Variants in MAGI1 observed in about 807,000 individuals in gnomAD.
The protein encoded by MAGI1 is membrane-associated guanylate kinase, WW and PDZ domain-containing protein 1.
Under a neutral mutation model 139.9 loss-of-function variants are expected in MAGI1, and 58 were observed. That is an observed-to-expected ratio of 0.41 (90% confidence interval 0.34 to 0.52). The LOEUF (loss-of-function observed/expected upper bound fraction) is 0.52. MAGI1 is among the 20% of genes least tolerant of loss of function. The pLI is 0.12. For synonymous variants in MAGI1, 812 were observed against 737.9 expected, an observed-to-expected ratio of 1.10 and a Z score of -1.63; for missense variants, 1,874 against 1,901.6, an observed-to-expected ratio of 0.99 and a Z score of 0.27.
At chr3:65,400,310 G>C (rs1040582377) in intron 13 of MAGI1, among the ~76,000 whole-genome samples, 1 of 152,162 alleles carries the variant, frequency 6.6e-6, no homozygotes, top group African/African-American at 2.4e-5. Context: ...TCTCTTTGGA[G>C]AACTTAGGAG....
At chr3:65,991,283 C>G (rs1332933645) in intron 1 of MAGI1, among the ~76,000 whole-genome samples, 1 of 51,010 alleles carries the variant, frequency 2.0e-5, no homozygotes. Flanking sequence ...GCGAGAGACT[C>G]TGTCTAAAAA....
At chr3:65,703,662 G>A (rs1174730438) in intron 1 of MAGI1, among the ~76,000 whole-genome samples, 2 of 152,282 alleles carry the variant, frequency 1.3e-5, no homozygotes, top group East Asian at 1.9e-4. Context: ...AAAGTGGCAG[G>A]CTAATTTATA....
At chr3:65,569,588 T>C (rs1183836246) in intron 2 of MAGI1, among the ~76,000 whole-genome samples, 1 of 152,156 alleles carries the variant, frequency 6.6e-6, no homozygotes, top group African/African-American at 2.4e-5. Context: ...GATTTAAATG[T>C]TTAAGACGGC....
At chr3:65,681,031 A>C (rs2087557753) in intron 1 of MAGI1, among the ~76,000 whole-genome samples, 1 of 152,220 alleles carries the variant, frequency 6.6e-6, no homozygotes, top group South Asian at 2.1e-4. Context: ...CCACAGATCC[A>C]GACCTATTTA....
At chr3:66,032,184 T>C (rs1011946546) in intron 1 of MAGI1, among the ~76,000 whole-genome samples, 1 of 150,964 alleles carries the variant, frequency 6.6e-6, no homozygotes, top group Non-Finnish European at 1.5e-5. Flanking sequence ...CATTCAGGCA[T>C]CCAACCAATT....
chr3:65,971,684 C>T (rs1173241018), intron 1 of MAGI1, among the ~76,000 whole-genome samples: 2 of 152,208 alleles, frequency 1.3e-5, no homozygotes, highest in African/African-American at 4.8e-5. Flanking sequence ...GAAGCAGACT[C>T]GGGCACATCA....
intron 1 of MAGI1, chr3:65,688,350 G>A: frequency 6.1e-6 from 4 of 651,184 alleles, no homozygotes; most frequent in South Asian, 1.4e-5. Flanking sequence ...TGGAGTGATA[G>A]TAACACCTTC....
intron 1 of MAGI1, among the ~76,000 whole-genome samples, chr3:65,702,659 C>G (rs1269908521): frequency 6.6e-6 from 1 of 152,096 alleles, no homozygotes; most frequent in Admixed American, 6.5e-5. Flanking sequence ...CTCTGAGAGG[C>G]CTTCCTTAGC....
intron 1 of MAGI1, among the ~76,000 whole-genome samples, chr3:65,858,877 T>C (rs114109192): frequency 0.011 from 1,697 of 152,338 alleles, 6 homozygotes; most frequent in Non-Finnish European, 0.018. Context: ...TTTCAGTTAA[T>C]TCCTCTTCCT....
chr3:65,763,863 G>C (rs1247567844), intron 1 of MAGI1, among the ~76,000 whole-genome samples: 1 of 151,976 alleles, frequency 6.6e-6, no homozygotes, highest in South Asian at 2.1e-4. Flanking sequence ...TTGAGCACAG[G>C]AGTTCAAGAC....
intron 12 of MAGI1, among the ~76,000 whole-genome samples, chr3:65,422,628 T>C (rs957029629): frequency 3.3e-5 from 5 of 152,144 alleles, no homozygotes; most frequent in East Asian, 1.9e-4. Context: ...AAGTAGTGAT[T>C]GCAACCAAGT....
chr3:65,794,087 C>G (rs1227744742), intron 1 of MAGI1, among the ~76,000 whole-genome samples: 1 of 152,166 alleles, frequency 6.6e-6, no homozygotes, highest in Non-Finnish European at 1.5e-5. Context: ...TGGACCACAC[C>G]CTAAGGCTAG....
chr3:65,412,952 T>C (rs1290578845), intron 12 of MAGI1, among the ~76,000 whole-genome samples: 1 of 152,198 alleles, frequency 6.6e-6, no homozygotes, highest in Non-Finnish European at 1.5e-5. Context: ...TCTCAAGGAT[T>C]CTTTGAGATC....
At chr3:65,651,001 A>G (rs1237178891) in intron 1 of MAGI1, among the ~76,000 whole-genome samples, 2 of 152,226 alleles carry the variant, frequency 1.3e-5, no homozygotes, top group African/African-American at 4.8e-5. Flanking sequence ...GAATGAAAAT[A>G]AGCAAGACCA....
At chr3:65,845,574 T>C (rs899032980) in intron 1 of MAGI1, among the ~76,000 whole-genome samples, 2 of 152,198 alleles carry the variant, frequency 1.3e-5, no homozygotes, top group Admixed American at 6.5e-5. Context: ...AGATCTTAAA[T>C]TAACCAATTT....
chr3:65,877,755 C>T (rs2060172138), intron 1 of MAGI1, among the ~76,000 whole-genome samples: 1 of 152,082 alleles, frequency 6.6e-6, no homozygotes, highest in Non-Finnish European at 1.5e-5. Flanking sequence ...AACTCAAAAG[C>T]TTTCTGATCA....
chr3:65,914,740 A>C (rs921666973), intron 1 of MAGI1, among the ~76,000 whole-genome samples: 1 of 152,222 alleles, frequency 6.6e-6, no homozygotes, highest in Non-Finnish European at 1.5e-5. Context: ...CAAATGTGCC[A>C]AACAAATTTG....
At chr3:65,537,551 G>C (rs2079017119) in intron 2 of MAGI1, among the ~76,000 whole-genome samples, 1 of 152,138 alleles carries the variant, frequency 6.6e-6, no homozygotes, top group Non-Finnish European at 1.5e-5. Context: ...TGGCAGTGGG[G>C]GAATGTTATG....
chr3:65,789,091 G>A (rs2039583390), intron 1 of MAGI1, among the ~76,000 whole-genome samples: 1 of 152,144 alleles, frequency 6.6e-6, no homozygotes. Context: ...TAAGGCGGGA[G>A]GATTGCTGGG....
Sources: allele counts gnomAD v4.1 joint callset (sites outside exome capture counted in the v4.1 genomes callset), GRCh38; gene constraint gnomAD v4.1.1; transcripts MANE v1.5; gene names NCBI Gene and HGNC (gene_info 2026-07-23, HGNC 2026-07-21).